Variants in TNRC18 observed in about 807,000 individuals in gnomAD.
The protein encoded by TNRC18 is trinucleotide repeat-containing gene 18 protein.
Under a neutral mutation model 226.7 loss-of-function variants are expected in TNRC18, and 69 were observed. That is an observed-to-expected ratio of 0.30 (90% CI 0.25 to 0.37). The LOEUF (loss-of-function observed/expected upper bound fraction) is 0.37, where lower values mean the gene tolerates loss of function less well. Among genes scored for constraint, TNRC18 ranks in the 10% least tolerant of loss-of-function variants. The probability of loss-of-function intolerance (pLI) is 1.00; values close to 1 mark genes in which losing one functional copy is unlikely to be tolerated. For missense variants in TNRC18, 4,754 were observed against 4,256.6 expected, an observed-to-expected ratio of 1.12 and a Z score of -3.25; for synonymous variants, 2,449 against 1,927.6, an observed-to-expected ratio of 1.27 and a Z score of -7.09.
intron 2 of TNRC18, among the ~76,000 whole-genome samples, chr7:5,407,703 A>C (rs932681127): frequency 6.6e-6 from 1 of 152,262 alleles, no homozygotes; most frequent in Non-Finnish European, 1.5e-5. Flanking sequence ...GCCTCAGGCC[A>C]GCCAATGATA....
At position 5,332,714 on chromosome 7, in the gene TNRC18, G is replaced by A; in HGVS notation, c.6055C>T (p.Pro2019Ser). Residue 2019 changes from proline (P) to serine (S), a missense_variant, in exon 19 of 30, where the codon CCC becomes TCC. Coordinates refer to ENST00000430969, the MANE Select transcript of TNRC18 (RefSeq NM_001080495.3). ...GCGCAGCGGCTGGTCTTGGTGGCGG[G>A]CGCGGTGCTGACGGGCGCAGGTGCA... ...AAAPAPVSTA[P>S]ATKTSRCAKG... The A allele has an allele frequency of 6.5e-7, 1 of 1,527,988 alleles. No homozygotes were observed. Among genetic ancestry groups the A allele is most frequent in the East Asian group, 2.5e-5 (1 of 39,712 alleles). 94.7% of individuals were successfully genotyped at this position (1,527,988 alleles called of 1,614,324 possible). A position where few individuals can be genotyped will look rare whatever the true frequency, so the allele number is the denominator to read the frequency against.
At chr7:5,319,310 C>T (rs1008792746) in intron 24 of TNRC18, among the ~76,000 whole-genome samples, 3 of 152,138 alleles carry the variant, frequency 2.0e-5, no homozygotes, top group African/African-American at 7.2e-5. Flanking sequence ...GTAGGCCAAG[C>T]AGTGGACTGT....
At chr7:5,367,163 A>G (rs1274081018) in intron 11 of TNRC18, among the ~76,000 whole-genome samples, 3 of 151,992 alleles carry the variant, frequency 2.0e-5, no homozygotes, top group South Asian at 2.1e-4. Flanking sequence ...CCAGGAGTTC[A>G]AGACCAGCAT....
chr7:5,319,163 T>C (rs950261218), intron 24 of TNRC18, among the ~76,000 whole-genome samples: 1 of 152,100 alleles, frequency 6.6e-6, no homozygotes, highest in African/African-American at 2.4e-5. Flanking sequence ...CTTTCAGAAT[T>C]TGGATGATAA....
chr7:5,359,647 A>G (rs1043637228), intron 14 of TNRC18, 78 bp from the exon 15 acceptor site: 14 of 1,573,310 alleles, frequency 8.9e-6, no homozygotes, highest in African/African-American at 1.3e-5. Flanking sequence ...CATGGCCCTG[A>G]AGGGTTGGGC....
chr7:5,346,981 G>A (rs546210546), intron 17 of TNRC18, among the ~76,000 whole-genome samples: 1 of 152,066 alleles, frequency 6.6e-6, no homozygotes, highest in African/African-American at 2.4e-5. Context: ...GGTAGACTGA[G>A]GCCCAATGGG....
At chr7:5,342,106 A>T (rs994049025) in intron 18 of TNRC18, among the ~76,000 whole-genome samples, 1 of 152,216 alleles carries the variant, frequency 6.6e-6, no homozygotes, top group African/African-American at 2.4e-5. Flanking sequence ...GGATCTGGGC[A>T]AAGTAAATGG....
intron 12 of TNRC18, among the ~76,000 whole-genome samples, chr7:5,362,265 G>T (rs1793132015): frequency 1.3e-5 from 2 of 152,172 alleles, no homozygotes; most frequent in Admixed American, 1.3e-4. Flanking sequence ...CTGAAGCACA[G>T]TGCTTGCGTG....
intron 2 of TNRC18, among the ~76,000 whole-genome samples, chr7:5,417,154 CTAAA>C (rs953242110): frequency 1.5e-5 from 2 of 134,920 alleles, no homozygotes; most frequent in African/African-American, 5.7e-5. Context: ...AACCCTGTCT[CTAAA>C]AAAAAAAAAA....
chr7:5,387,545 C>G lies in TNRC18; in HGVS notation c.2152+127G>C, dbSNP rs1779882179. 3.0e-6 allele frequency: 4 copies of G among 1,341,094 alleles called. No homozygotes were observed. In the African/African-American group the frequency reaches 5.9e-5, roughly 20 times the overall value. 83.1% of individuals were successfully genotyped at this position (1,341,094 alleles called of 1,614,324 possible). ...CATGCTCGCAACAGAACATTCAAGA[C>G]CATTTTAAAAAATGATACTTATAAA... On this transcript the variant is annotated intron_variant, in intron 5 of 29. Coordinates refer to ENST00000430969, the MANE Select transcript of TNRC18 (RefSeq NM_001080495.3).
chr7:5,354,676 G>C (rs1297722607), intron 16 of TNRC18, among the ~76,000 whole-genome samples: 1 of 152,084 alleles, frequency 6.6e-6, no homozygotes, highest in Non-Finnish European at 1.5e-5. Context: ...GCATGAGCCA[G>C]CTGCTTAACT....
intron 2 of TNRC18, among the ~76,000 whole-genome samples, chr7:5,403,482 T>C (rs1781251466): frequency 7.1e-6 from 1 of 140,164 alleles, no homozygotes; most frequent in Admixed American, 7.3e-5. Context: ...TTAAAACATC[T>C]TGACCTCTCA....
intron 4 of TNRC18, chr7:5,390,234 G>A (rs932965870): frequency 2.6e-5 from 14 of 537,556 alleles, no homozygotes; most frequent in Non-Finnish European, 3.9e-5. Context: ...CTGTGGTGGG[G>A]TGTGTCTGCA....
intron 10 of TNRC18, among the ~76,000 whole-genome samples, chr7:5,372,356 C>T (rs746555519): frequency 2.6e-5 from 4 of 151,584 alleles, no homozygotes; most frequent in Admixed American, 6.6e-5. Flanking sequence ...GGACTATAGG[C>T]GTGAGCCACT....
In TNRC18 at chr7:5,356,909, T is replaced by C. The variant is rs1431610973; in HGVS notation, c.5194+7A>G. 2.0e-6 allele frequency: 3 copies of C among 1,534,910 alleles called. No homozygotes were observed. Among genetic ancestry groups the C allele is most frequent in the Admixed American group, 4.1e-5 (2 of 48,802 alleles). On this transcript the variant is annotated splice_region_variant and intron_variant, in intron 16 of 29. Coordinates refer to ENST00000430969, the MANE Select transcript of TNRC18 (RefSeq NM_001080495.3). Reference sequence around the variant, plus strand: ...GGACCAGAGGTGGCGCGGCATACGCTACTTACTGTAAGAGTAGCTGCTCAC... The same window carrying C: ...GGACCAGAGGTGGCGCGGCATACGCCACTTACTGTAAGAGTAGCTGCTCAC...
chr7:5,355,648 G>A (rs1792283548), intron 16 of TNRC18, among the ~76,000 whole-genome samples: 1 of 152,158 alleles, frequency 6.6e-6, no homozygotes, highest in African/African-American at 2.4e-5. Context: ...ATACTCAGGA[G>A]GTTCAGAGGG....
At chr7:5,317,668 A>C (rs923282634) in intron 24 of TNRC18, among the ~76,000 whole-genome samples, 1 of 151,956 alleles carries the variant, frequency 6.6e-6, no homozygotes, top group Non-Finnish European at 1.5e-5. Flanking sequence ...TAAAACAAAA[A>C]AAAATTTAAG....
intron 18 of TNRC18, among the ~76,000 whole-genome samples, chr7:5,339,673 G>A (rs9969365): frequency 0.17 from 25,068 of 151,696 alleles, 2,206 homozygotes; most frequent in Admixed American, 0.19. Context: ...AGGTTCAAGC[G>A]ATTCTCCTGT....
At chr7:5,395,577 ATG>A (rs1780618848) in intron 2 of TNRC18, among the ~76,000 whole-genome samples, 1 of 152,230 alleles carries the variant, frequency 6.6e-6, no homozygotes, top group East Asian at 1.9e-4. Context: ...AGAGAGAAGC[ATG>A]CAGGCCCTGG....
Sources: gnomAD v4.1 joint callset for allele counts (sites outside exome capture counted in the v4.1 genomes callset) on GRCh38, gnomAD v4.1.1 for gene constraint, MANE v1.5 for transcripts, NCBI Gene and HGNC (gene_info 2026-07-23, HGNC 2026-07-21) for gene names.